RASGRF2: variants seen among roughly 807,000 people sequenced by gnomAD.
RASGRF2 encodes the protein ras-specific guanine nucleotide-releasing factor 2.
In RASGRF2, 76 loss-of-function variants were observed where a neutral mutation model predicts 151.0. That is an observed-to-expected ratio of 0.50 (90% CI 0.42 to 0.61). The LOEUF (loss-of-function observed/expected upper bound fraction) is 0.61, where lower values mean the gene tolerates loss of function less well. Among genes scored for constraint, RASGRF2 ranks in the 20% least tolerant of loss-of-function variants. The probability of loss-of-function intolerance (pLI) is 0.00; values close to 1 mark genes in which losing one functional copy is unlikely to be tolerated. For synonymous variants in RASGRF2, 504 were observed against 566.5 expected (o/e 0.89, Z 1.57); for missense variants, 1,148 against 1,564.6 (o/e 0.73, Z 4.49).
chr5:81,175,058 C>T (rs1754743917), intron 17 of RASGRF2, among the ~76,000 whole-genome samples: 1 of 152,188 alleles, frequency 6.6e-6, no homozygotes, highest in Admixed American at 6.5e-5. Flanking sequence ...TAGAAATGGA[C>T]AGACCTGGGC....
rs543997700 is a variant in RASGRF2, at chr5:81,028,751, G to T, written c.289-14126G>T. 4.1e-4 allele frequency among the ~76,000 whole-genome samples: 62 copies of T among 152,224 alleles called. 1 individual carries two copies. The highest frequency in any genetic ancestry group is 7.8e-4 in the Non-Finnish European group (53 of 68,026). On this transcript the variant is annotated intron_variant, in intron 1 of 26. Transcript: ENST00000265080. Reference sequence around the variant, plus strand: ...CCAGGGTGAGCGACGCAGAAGACAGGTGATTTCTGCATTTCCAACTGAGGT... The same window carrying T: ...CCAGGGTGAGCGACGCAGAAGACAGTTGATTTCTGCATTTCCAACTGAGGT...
chr5:81,031,476 G>C (rs1225189707), intron 1 of RASGRF2, among the ~76,000 whole-genome samples: 1 of 152,126 alleles, frequency 6.6e-6, no homozygotes, highest in African/African-American at 2.4e-5. Context: ...ACTCAAACAA[G>C]AACTCAGGAT....
In RASGRF2 at chr5:81,112,795, C is replaced by T; in HGVS notation, c.2024C>T (p.Ala675Val). Residue 675 changes from alanine to valine, a missense_variant, in exon 14 of 27, where the codon GCC (alanine) becomes GTC (valine). By Grantham distance (64) the Ala-to-Val change is moderately conservative (BLOSUM62 0). Coordinates refer to ENST00000265080, the MANE Select transcript of RASGRF2 (RefSeq NM_006909.3). ...CACACCTATCGTATTTTCACTACTG[C>T]CGCTGTGGTGCTGGGGAAACTCTCC... is the stretch of plus-strand genomic sequence containing the variant. ...FLHTYRIFTT[A>V]AVVLGKLSDI... 1 of 1,614,184 alleles carries T rather than the reference C, an allele frequency of 6.2e-7. No homozygotes were observed. Among genetic ancestry groups the T allele is most frequent in the Non-Finnish European group, 8.5e-7 (1 of 1,180,024 alleles).
chr5:80,984,494 G>C (rs997669208), intron 1 of RASGRF2, among the ~76,000 whole-genome samples: 1 of 152,138 alleles, frequency 6.6e-6, no homozygotes, highest in African/African-American at 2.4e-5. Context: ...ACTTTCCTTT[G>C]TGTTTTCTAG....
intron 5 of RASGRF2, among the ~76,000 whole-genome samples, chr5:81,075,689 G>A (rs571986235): frequency 6.6e-6 from 1 of 152,272 alleles, no homozygotes; most frequent in East Asian, 1.9e-4. Context: ...ACAGGCTGAG[G>A]GGAAAAGATG....
chr5:80,985,781 T>G (rs1486452236), intron 1 of RASGRF2, among the ~76,000 whole-genome samples: 1 of 152,114 alleles, frequency 6.6e-6, no homozygotes, highest in Non-Finnish European at 1.5e-5. Context: ...TGGAGTATTA[T>G]GGGAACTCCT....
intron 17 of RASGRF2, among the ~76,000 whole-genome samples, chr5:81,179,291 G>A (rs1479986566): frequency 6.6e-6 from 1 of 152,188 alleles, no homozygotes; most frequent in Non-Finnish European, 1.5e-5. Flanking sequence ...TCTCACTGCT[G>A]TGCAAGTGCC....
intron 12 of RASGRF2, among the ~76,000 whole-genome samples, chr5:81,102,489 G>A (rs1452481059): frequency 1.3e-5 from 2 of 152,166 alleles, no homozygotes; most frequent in Non-Finnish European, 2.9e-5. Flanking sequence ...GAGGTCAGGA[G>A]TTTGAGACCA....
rs773144467 is a variant in RASGRF2, at chr5:80,960,823, CTGAG to C, written c.87_90del (p.Ser30ArgfsTer107). 6.2e-7 allele frequency: 1 copy of C among 1,613,484 alleles called. No individual in the cohort carries two copies. Among genetic ancestry groups the C allele is most frequent in the Non-Finnish European group, 8.5e-7 (1 of 1,179,748 alleles). Reference sequence around the variant, plus strand: ...CAAGGAGGGCACCAAGCGCGGCTTCCTGAGTAAGAAGACGGCCGAGGCGAGCCGC... The same window carrying C: ...CAAGGAGGGCACCAAGCGCGGCTTCCTAAGAAGACGGCCGAGGCGAGCCGC... On this transcript the variant is annotated frameshift_variant, in exon 1 of 27. Transcript: ENST00000265080. LOFTEE classifies it high-confidence loss of function. The surrounding 1 kb of genome is among the most constrained non-coding windows in gnomAD (Gnocchi z 5.5).
chr5:81,207,434 A>G, intron 21 of RASGRF2, 85 bp downstream of exon 21: 1 of 1,147,684 alleles, frequency 8.7e-7, no homozygotes, highest in Non-Finnish European at 1.3e-6. Context: ...GGTTGTGTGT[A>G]TGTCTGTCCC....
chr5:81,114,937 C>T (rs1401737373), intron 15 of RASGRF2: 1 of 152,186 alleles, frequency 6.6e-6, no homozygotes, highest in Non-Finnish European at 1.5e-5. Flanking sequence ...GCTTTCTCAG[C>T]TTGGTACGGT....
At chr5:80,992,017 T>C (rs1748666192) in intron 1 of RASGRF2, among the ~76,000 whole-genome samples, 1 of 152,274 alleles carries the variant, frequency 6.6e-6, no homozygotes, top group South Asian at 2.1e-4. Flanking sequence ...TCATAATGCA[T>C]ACGGGCTTCA....
At chr5:81,003,200 G>A (rs941575973) in intron 1 of RASGRF2, among the ~76,000 whole-genome samples, 3 of 148,760 alleles carry the variant, frequency 2.0e-5, no homozygotes, top group African/African-American at 7.4e-5. Context: ...GATTATGGAT[G>A]CATGCCACCA....
Position 80,961,128 on chromosome 5 carries a change from G to A in RASGRF2, c.288+102G>A. 2.3e-6 allele frequency: 3 copies of A among 1,285,334 alleles called. No homozygotes were observed. The African/African-American group carries it at 4.5e-5, about 19-fold the overall frequency. 79.6% of individuals were successfully genotyped at this position (1,285,334 alleles called of 1,614,324 possible). ...GGTCGGGGGTCGTGAAAGAGTGCGGGGACTATGCTCCGAAATCCCCCCGCG... is the reference window on the plus strand; with the variant it reads ...GGTCGGGGGTCGTGAAAGAGTGCGGAGACTATGCTCCGAAATCCCCCCGCG... On this transcript the variant is annotated intron_variant, in intron 1 of 26. Transcript: ENST00000265080.
chr5:81,188,993 A>G (rs188403659), intron 18 of RASGRF2, among the ~76,000 whole-genome samples: 345 of 152,334 alleles, frequency 2.3e-3, no homozygotes, highest in Middle Eastern at 0.017. Context: ...CTGTTTCTCA[A>G]TCTTTCCTTA....
chr5:81,172,434 CGT>C (rs57957668), intron 17 of RASGRF2, among the ~76,000 whole-genome samples: 18,681 of 145,374 alleles, frequency 0.13, 1,217 homozygotes, highest in Middle Eastern at 0.19. Flanking sequence ...CAAGGATGTG[CGT>C]GTGTGTGTGT....
At chr5:81,204,622 C>T (rs948906393) in intron 19 of RASGRF2, among the ~76,000 whole-genome samples, 15 of 152,176 alleles carry the variant, frequency 9.9e-5, no homozygotes, top group African/African-American at 3.6e-4. Flanking sequence ...CTCTCCTCCT[C>T]CAAAGTTGTC....
chr5:81,042,750 G>T (rs1041038774), intron 1 of RASGRF2, 127 bp from the exon 2 acceptor site: 2 of 646,334 alleles, frequency 3.1e-6, no homozygotes, highest in Non-Finnish European at 5.3e-6. Context: ...GTTACATTTT[G>T]AAATAAAATT....
intron 19 of RASGRF2, among the ~76,000 whole-genome samples, chr5:81,205,169 A>G (rs1024251303): frequency 6.6e-6 from 1 of 152,218 alleles, no homozygotes; most frequent in African/African-American, 2.4e-5. Flanking sequence ...CTCACAAATA[A>G]TATGGCTAAG....
Sources: allele counts gnomAD v4.1 joint callset (sites outside exome capture counted in the v4.1 genomes callset), GRCh38; gene constraint gnomAD v4.1.1; non-coding constraint Gnocchi (gnomAD v3.1); transcripts MANE v1.5; gene names NCBI Gene and HGNC (gene_info 2026-07-23, HGNC 2026-07-21).